The following RSU1 variants were observed in gnomAD, a reference collection of about 807,000 sequenced individuals.
The protein encoded by RSU1 is Ras suppressor protein 1.
RSU1 carries 26 observed loss-of-function variants against 31.1 expected under a neutral mutation model. The ratio of observed to expected loss-of-function variants is 0.84; its 90% CI spans 0.61 to 1.16. The LOEUF (loss-of-function observed/expected upper bound fraction) is 1.16. RSU1 is among the 50% of genes most tolerant of loss of function. The pLI is 0.00. For synonymous variants in RSU1, 164 were observed against 136.3 expected, an observed-to-expected ratio of 1.20 and a Z score of -1.41; for missense variants, 320 against 339.1, an observed-to-expected ratio of 0.94 and a Z score of 0.44.
chr10:16,594,762 TATCTATTATATATCATATATATATATA>T (rs1833582443), intron 8 of RSU1, among the ~76,000 whole-genome samples: 1 of 145,548 alleles, frequency 6.9e-6, no homozygotes, highest in African/African-American at 2.5e-5. Flanking sequence ...TATACTATAT[TATCTATTATATATCATATATATATATA>T]TTTTTTTTTT....
intron 8 of RSU1, among the ~76,000 whole-genome samples, chr10:16,608,242 C>T (rs1346347777): frequency 6.6e-6 from 1 of 152,182 alleles, no homozygotes; most frequent in Non-Finnish European, 1.5e-5. Context: ...GTGTGGTGGC[C>T]CATGCCTATA....
chr10:16,768,483 G>A (rs906507465), intron 3 of RSU1, among the ~76,000 whole-genome samples: 1 of 150,980 alleles, frequency 6.6e-6, no homozygotes, highest in African/African-American at 2.5e-5. Context: ...AGGTTTGCGG[G>A]AACAGTCCCA....
intron 7 of RSU1, among the ~76,000 whole-genome samples, chr10:16,722,098 G>A (rs564223541): frequency 3.3e-5 from 5 of 152,276 alleles, no homozygotes; most frequent in Middle Eastern, 3.4e-3. Context: ...TTGAGAGAGA[G>A]ATACTACATT....
intron 8 of RSU1, among the ~76,000 whole-genome samples, chr10:16,684,714 T>C (rs1835407399): frequency 6.6e-6 from 1 of 152,142 alleles, no homozygotes; most frequent in South Asian, 2.1e-4. Flanking sequence ...TTTTAAACCA[T>C]GCCGTTTGTG....
intron 8 of RSU1, among the ~76,000 whole-genome samples, chr10:16,686,175 C>T (rs1291004219): frequency 2.6e-5 from 4 of 152,198 alleles, no homozygotes; most frequent in East Asian, 3.9e-4. Context: ...GGATAAGAAA[C>T]CAGAGTTCAA....
chr10:16,726,188 TAAAAA>T (rs1836389138), intron 7 of RSU1, among the ~76,000 whole-genome samples: 1 of 152,034 alleles, frequency 6.6e-6, no homozygotes, highest in Non-Finnish European at 1.5e-5. Context: ...AATTTACATT[TAAAAA>T]TATTATGCTT....
At chr10:16,638,706 T>C (rs914434664) in intron 8 of RSU1, among the ~76,000 whole-genome samples, 2 of 152,092 alleles carry the variant, frequency 1.3e-5, no homozygotes, top group African/African-American at 4.8e-5. Flanking sequence ...TACACACAGC[T>C]CAATCTCGTC....
At chr10:16,597,573 C>T (rs1286130796) in intron 8 of RSU1, among the ~76,000 whole-genome samples, 3 of 152,116 alleles carry the variant, frequency 2.0e-5, no homozygotes, top group Admixed American at 6.5e-5. Context: ...CAGGGTGTTT[C>T]GGTAAGCCCA....
chr10:16,816,916 G>A, intron 2 of RSU1, 57 bp downstream of exon 2: 4 of 1,256,662 alleles, frequency 3.2e-6, no homozygotes, highest in Non-Finnish European at 4.7e-6. Flanking sequence ...GCAGTGAATT[G>A]GCAAACTTAG....
At chr10:16,724,828 A>C (rs117343063) in intron 7 of RSU1, among the ~76,000 whole-genome samples, 1 of 152,256 alleles carries the variant, frequency 6.6e-6, no homozygotes, top group African/African-American at 2.4e-5. Flanking sequence ...GATAATTCAC[A>C]TATCATGGGA....
chr10:16,729,997 C>T (rs1387085176), intron 7 of RSU1, among the ~76,000 whole-genome samples: 2 of 152,172 alleles, frequency 1.3e-5, no homozygotes, highest in East Asian at 3.9e-4. Context: ...CTCCTGGTTC[C>T]ACAGGCTGCA....
intron 8 of RSU1, among the ~76,000 whole-genome samples, chr10:16,626,659 G>A (rs2131485377): frequency 6.6e-6 from 1 of 152,260 alleles, no homozygotes; most frequent in Middle Eastern, 3.4e-3. Context: ...TGTCTTTGGG[G>A]AAACTACTGA....
At chr10:16,720,528 T>C (rs1588492023) in intron 7 of RSU1, among the ~76,000 whole-genome samples, 1 of 152,356 alleles carries the variant, frequency 6.6e-6, no homozygotes, top group Non-Finnish European at 1.5e-5. Flanking sequence ...ATTTTATAGT[T>C]AAACTCAGGG....
At chr10:16,616,878 G>A (rs372682129) in intron 8 of RSU1, among the ~76,000 whole-genome samples, 4 of 152,246 alleles carry the variant, frequency 2.6e-5, no homozygotes, top group East Asian at 1.9e-4. Flanking sequence ...AAAAAGATCT[G>A]TTTATGACAA....
At chr10:16,676,174 T>G (rs1835227912) in intron 8 of RSU1, among the ~76,000 whole-genome samples, 1 of 152,196 alleles carries the variant, frequency 6.6e-6, no homozygotes, top group African/African-American at 2.4e-5. Flanking sequence ...TTGATCCCTG[T>G]ATTAGTCCAT....
chr10:16,787,572 C>T (rs189865447), intron 2 of RSU1, among the ~76,000 whole-genome samples: 72 of 152,294 alleles, frequency 4.7e-4, no homozygotes, highest in Non-Finnish European at 5.9e-4. Context: ...ATGTCAAGGG[C>T]GGGGCCAGAT....
At chr10:16,743,283 G>C (rs1051877878) in intron 7 of RSU1, among the ~76,000 whole-genome samples, 5 of 152,260 alleles carry the variant, frequency 3.3e-5, no homozygotes, top group African/African-American at 1.2e-4. Flanking sequence ...TGGGAGGAAT[G>C]CTTATTTTTG....
At chr10:16,745,561 T>G (rs4748321) in intron 7 of RSU1, among the ~76,000 whole-genome samples, 37,379 of 152,030 alleles carry the variant, frequency 0.25, 5,195 homozygotes, top group African/African-American at 0.39. Flanking sequence ...GGCTTGTGTA[T>G]GAGACCCCCA....
Position 16,764,777 on chromosome 10 carries a change from G to A in RSU1, c.161-267C>T, listed in dbSNP as rs3765596. Among the ~76,000 whole-genome samples the A allele has an allele frequency of 9.2e-3, 1,401 of 152,168 alleles. 51 individuals carry two copies. Among genetic ancestry groups the A allele is most frequent in the East Asian group, 0.062 (318 of 5,164 alleles). Reference sequence around the variant, plus strand: ...GATGGACAATGAGGGGGGAAACAGAGCAAAAATGCACAACAGAGAATTTCT... The same window carrying A: ...GATGGACAATGAGGGGGGAAACAGAACAAAAATGCACAACAGAGAATTTCT... On this transcript the variant is annotated intron_variant, in intron 3 of 8. Transcript: ENST00000345264.
Sources: allele counts gnomAD v4.1 joint callset (sites outside exome capture counted in the v4.1 genomes callset), GRCh38; gene constraint gnomAD v4.1.1; transcripts MANE v1.5; gene names NCBI Gene and HGNC (gene_info 2026-07-23, HGNC 2026-07-21).